The following UCP1 variants were observed in gnomAD, a reference collection of about 807,000 sequenced individuals.
UCP1 encodes the protein mitochondrial brown fat uncoupling protein 1.
Under a neutral mutation model 26.2 loss-of-function variants are expected in UCP1, and 24 were observed. The observed-to-expected ratio is 0.92, with a 90% CI of 0.66 to 1.29. UCP1 has a LOEUF of 1.29. Ranked by LOEUF, UCP1 falls within the 50% of genes most tolerant of loss-of-function variation. The pLI is 0.00. For missense variants in UCP1, 402 were observed against 388.7 expected (o/e 1.03, Z -0.29); for synonymous variants, 164 against 156.8 (o/e 1.05, Z -0.34).
At chr4:140,560,171 G>A (rs947312443) in intron 5 of UCP1, among the ~76,000 whole-genome samples, 161 bp from the exon 6 acceptor site, 5 of 152,058 alleles carry the variant, frequency 3.3e-5, no homozygotes, top group African/African-American at 9.6e-5. Context: ...TCCCACCTGA[G>A]CCTCCTGGAG....
intron 4 of UCP1, 26 bp downstream of exon 4, chr4:140,563,084 G>A (rs763137834): frequency 5.4e-5 from 86 of 1,579,954 alleles, no homozygotes; most frequent in Non-Finnish European, 7.1e-5. Context: ...GTGCAGACCT[G>A]TTTGTTATAT....
In UCP1 at chr4:140,563,394, G is replaced by A; in HGVS notation, c.450C>T (p.Ile150=). 1.2e-6 allele frequency: 2 copies of A among 1,614,150 alleles called. No individual in the cohort carries two copies. The highest frequency in any genetic ancestry group is 1.7e-6 in the Non-Finnish European group (2 of 1,180,002). Residue 150 remains isoleucine, a synonymous_variant, in exon 3 of 6, where the codon ATC becomes ATT. Transcript: ENST00000262999. ...TATAAGTCCCCGTGTAGCGAGGTTT[G>A]ATTCCGTGGAGATGGCTCTGTGCTT... is the stretch of plus-strand genomic sequence containing the variant. ...RLQAQSHLHG[I]KPRYTGTYNA... is the part of the protein sequence containing the mutation.
intron 2 of UCP1, among the ~76,000 whole-genome samples, chr4:140,567,199 G>C (rs1435625156): frequency 6.6e-6 from 1 of 152,194 alleles, no homozygotes; most frequent in Non-Finnish European, 1.5e-5. Flanking sequence ...ACTCCCTGCA[G>C]CATTCGTCCA....
In UCP1 at chr4:140,568,575, C is replaced by T. The variant is rs539766026; in HGVS notation, c.126+29G>A. ...CAACAGCGTCCCCTCTGTCCTGAGA[C>T]CCCTTGTCTTACCCCTCTGCCTAGC... On this transcript the variant is annotated intron_variant, in intron 1 of 5. Transcript: ENST00000262999. The T allele has an allele frequency of 3.7e-6, 6 of 1,613,534 alleles. No individual in the cohort carries two copies. In the East Asian group the frequency reaches 8.9e-5, roughly 24 times the overall value.
At chr4:140,567,653 G>A (rs1735826569) in intron 2 of UCP1, 126 bp downstream of exon 2, 2 of 1,232,220 alleles carry the variant, frequency 1.6e-6, no homozygotes, top group South Asian at 2.5e-5. Context: ...TTGGGGAAGG[G>A]AGAGTTCAAA....
intron 3 of UCP1, 46 bp downstream of exon 3, chr4:140,563,272 A>G: frequency 6.2e-7 from 1 of 1,613,018 alleles, no homozygotes; most frequent in South Asian, 1.1e-5. Context: ...TGCTAGTTGT[A>G]TGTATGTGCT....
chr4:140,564,090 T>C (rs1004252359), intron 2 of UCP1, among the ~76,000 whole-genome samples: 1 of 152,202 alleles, frequency 6.6e-6, no homozygotes, highest in Non-Finnish European at 1.5e-5. Context: ...CCTGATTCTT[T>C]CCTGTGTTCA....
In UCP1 at chr4:140,568,108, C is replaced by CGT. The variant is rs3138733; in HGVS notation, c.127-133_127-132dup. 5,676 of 637,800 alleles carry CGT rather than the reference C, an allele frequency of 8.9e-3. 109 individuals are homozygous for CGT. The highest frequency in any genetic ancestry group is 0.011 in the East Asian group (349 of 30,980). The allele number at this position is 637,800 out of a possible 1,614,324, so 39.5% of individuals were successfully genotyped here. On this transcript the variant is annotated intron_variant, in intron 1 of 5. Coordinates refer to ENST00000262999, the MANE Select transcript of UCP1 (RefSeq NM_021833.5). The stretch of plus-strand genomic sequence containing the variant: ...TCCTCTTCCATCCACCTCCCTCTAC[C>CGT]GTGTGTGTGTGTGTGTGTGTGTGTG...
chr4:140,568,698 G>A lies in UCP1; in HGVS notation c.32C>T (p.Pro11Leu). 3 of 1,603,302 alleles carry A rather than the reference G, an allele frequency of 1.9e-6. No homozygotes were observed. The highest frequency in any genetic ancestry group is 1.7e-4 in the Middle Eastern group (1 of 6,048). Reference protein sequence around the residue: MGGLTASDVHPTLGVQLFSAG... With the variant: MGGLTASDVHLTLGVQLFSAG... ...TGAGAAGAGCTGGACCCCCAGGGTCGGGTGTACGTCCGAGGCTGTCAGGCC... is the reference window on the plus strand; with the variant it reads ...TGAGAAGAGCTGGACCCCCAGGGTCAGGTGTACGTCCGAGGCTGTCAGGCC... The change falls in exon 1 of 6, where the codon CCG becomes CTG. Residue 11 changes from proline (P) to leucine (L), a missense_variant. Coordinates refer to ENST00000262999, the MANE Select transcript of UCP1 (RefSeq NM_021833.5).
At chr4:140,563,609 G>A in intron 2 of UCP1, 91 bp from the exon 3 acceptor site, 8 of 1,188,146 alleles carry the variant, frequency 6.7e-6, no homozygotes, top group Non-Finnish European at 9.3e-6. Context: ...TCATATTTTT[G>A]TATTTTTTTT....
At chr4:140,564,947 A>G (rs891399944) in intron 2 of UCP1, among the ~76,000 whole-genome samples, 1 of 152,128 alleles carries the variant, frequency 6.6e-6, no homozygotes, top group Admixed American at 6.6e-5. Flanking sequence ...CCTACAATAT[A>G]GCTTATACCA....
At position 140,559,780 on chromosome 4, in the gene UCP1, C is replaced by G. The variant is rs1184877425; in HGVS notation, c.*116G>C. On this transcript the variant is annotated 3_prime_UTR_variant, in exon 6 of 6. Coordinates refer to ENST00000262999, the MANE Select transcript of UCP1 (RefSeq NM_021833.5). ...TTTTTATATAAAAAAGTCCAAAATT[C>G]TCTGCCAAAATTCCTTTATCTTTTT... 1 of 1,002,032 alleles carries G rather than the reference C, an allele frequency of 1.0e-6. No individual in the cohort carries two copies. The allele number at this position is 1,002,032 out of a possible 1,614,324, so 62.1% of individuals were successfully genotyped here.
In UCP1 at chr4:140,560,010, C is replaced by T; in HGVS notation, c.810G>A (p.Gly270=). The T allele has an allele frequency of 1.2e-6, 2 of 1,612,342 alleles. No homozygotes were observed. Among genetic ancestry groups the T allele is most frequent in the East Asian group, 2.2e-5 (1 of 44,852 alleles). ...TNEGPTAFFK[G]LVPSFLRLGS... The stretch of plus-strand genomic sequence containing the variant: ...CAAGTCGCAAGAAGGAAGGTACCAA[C>T]CTAGAAAAGTGCATGTCATCGTTCG... Residue 270 remains glycine (G), a splice_region_variant and synonymous_variant, in exon 6 of 6, where the codon GGG becomes GGA. Coordinates refer to ENST00000262999, the MANE Select transcript of UCP1 (RefSeq NM_021833.5).
Position 140,559,868 on chromosome 4 carries a change from G to T in UCP1, c.*28C>A. 1.3e-6 allele frequency: 2 copies of T among 1,535,900 alleles called. No homozygotes were observed. The highest frequency in any genetic ancestry group is 1.8e-6 in the Non-Finnish European group (2 of 1,109,014). On this transcript the variant is annotated 3_prime_UTR_variant, in exon 6 of 6. Transcript: ENST00000262999. ...GATCCAGTCAGCAAGATTCCCACTG[G>T]TATGTTACATCATTTTCTTGAAGCT...
Position 140,563,337 on chromosome 4 carries a change from GC to G in UCP1, c.506del (p.Gly169AlafsTer2). The G allele has an allele frequency of 1.2e-6, 2 of 1,614,148 alleles. No individual in the cohort carries two copies. Among genetic ancestry groups the G allele is most frequent in the Non-Finnish European group, 1.7e-6 (2 of 1,180,026 alleles). ...NAYRIIATTE[G>X]LTGLWKGTTP... ...AGTTACCTTTCCAAAGACCCGTCAA[GC>G]CTTCGGTTGTTGCTATTATTCTGTA... On this transcript the variant is annotated frameshift_variant, in exon 3 of 6. Transcript: ENST00000262999. LOFTEE classifies it high-confidence loss of function.
At chr4:140,568,020 G>C in intron 1 of UCP1, 43 bp from the exon 2 acceptor site, 1 of 1,606,270 alleles carries the variant, frequency 6.2e-7, no homozygotes, top group Non-Finnish European at 8.5e-7. Context: ...GCGAAATTGA[G>C]TTCACTCTTA....
Position 140,563,399 on chromosome 4 carries a change from C to G in UCP1, c.445G>C (p.Gly149Arg), listed in dbSNP as rs757653639. Reference protein sequence around the residue: ...VRLQAQSHLHGIKPRYTGTYN... With the variant: ...VRLQAQSHLHRIKPRYTGTYN... ...GTCCCCGTGTAGCGAGGTTTGATTC[C>G]GTGGAGATGGCTCTGTGCTTGAAGT... Residue 149 changes from glycine (G) to arginine (R), a missense_variant, in exon 3 of 6, where the codon GGA becomes CGA. Transcript: ENST00000262999. 20 of 1,613,902 alleles carry G rather than the reference C, an allele frequency of 1.2e-5. No individual in the cohort carries two copies. The South Asian group carries it at 2.2e-4, about 18-fold the overall frequency.
intron 5 of UCP1, among the ~76,000 whole-genome samples, chr4:140,561,583 C>T (rs1735677825): frequency 6.6e-6 from 1 of 152,168 alleles, no homozygotes; most frequent in Non-Finnish European, 1.5e-5. Flanking sequence ...AAGTGATCCT[C>T]CTGCCTCCAT....
rs1735829542 is a variant in UCP1, at chr4:140,567,764, A to ACG, written c.325+13_325+14dup. 6.2e-7 allele frequency: 1 copy of ACG among 1,613,638 alleles called. No individual in the cohort carries two copies. The highest frequency in any genetic ancestry group is 8.5e-7 in the Non-Finnish European group (1 of 1,179,992). On this transcript the variant is annotated intron_variant, in intron 2 of 5. Transcript: ENST00000262999. ...CAAGGCTTTTCTGCCCCTCCCAGGA[A>ACG]CGCTCACGGCTTACTTTCTTTCCCT...
Sources: allele counts gnomAD v4.1 joint callset (sites outside exome capture counted in the v4.1 genomes callset), GRCh38; gene constraint gnomAD v4.1.1; transcripts MANE v1.5; gene names NCBI Gene and HGNC (gene_info 2026-07-23, HGNC 2026-07-21).